FAM149A: variants seen among roughly 807,000 people sequenced by gnomAD.
FAM149A encodes family with sequence similarity 149 member A.
FAM149A carries 71 observed loss-of-function variants against 78.2 expected under a neutral mutation model. That is an observed-to-expected ratio of 0.91 (90% CI 0.75 to 1.11). The LOEUF (loss-of-function observed/expected upper bound fraction) is 1.11. Ranked by LOEUF, FAM149A falls within the 50% of genes least tolerant of loss-of-function variation. FAM149A has a pLI of 0.00. For synonymous variants in FAM149A, 446 were observed against 410.5 expected (o/e 1.09, Z -1.04); for missense variants, 1,036 against 971.0 (o/e 1.07, Z -0.89).
rs1226753024 is a variant in FAM149A at position 186,122,800 on chromosome 4, T to TC, written c.566+17158_566+17159insC. ...TGTAAATATTTAGAGGATGAATATCTAAATGATGAAACAAAAGATCGTAAG... is the reference window on the plus strand; with the variant it reads ...TGTAAATATTTAGAGGATGAATATCTCAAATGATGAAACAAAAGATCGTAAG... On this transcript the variant is annotated intron_variant, in intron 1 of 13. Coordinates refer to ENST00000389354, the MANE Select transcript of FAM149A (RefSeq NM_001367768.3). 2.4e-5 allele frequency: 16 copies of TC among 662,240 alleles called. No homozygotes were observed. The African/African-American group carries it at 3.1e-4, about 13-fold the overall frequency. The allele number at this position is 662,240 out of a possible 1,614,324, so 41.0% of individuals were successfully genotyped here.
intron 1 of FAM149A, among the ~76,000 whole-genome samples, chr4:186,121,186 G>T (rs973591839): frequency 5.3e-5 from 8 of 152,066 alleles, no homozygotes; most frequent in African/African-American, 1.9e-4. Flanking sequence ...CGGCAGTAAT[G>T]AGCAAGCATT....
chr4:186,155,891 A>T (rs1294783335), intron 6 of FAM149A, 109 bp from the exon 7 acceptor site: 18 of 755,062 alleles, frequency 2.4e-5, no homozygotes. Context: ...TTTAACAAAG[A>T]ATGTTTATTA....
At chr4:186,117,495 C>G (rs1315287363) in intron 1 of FAM149A, 4 of 985,266 alleles carry the variant, frequency 4.1e-6, no homozygotes, top group Non-Finnish European at 3.6e-6. Flanking sequence ...GGGGCGATGT[C>G]AGGGGTCTGA....
chr4:186,157,545 T>C lies in FAM149A; in HGVS notation c.1421-20T>C. The C allele has an allele frequency of 1.2e-6, 2 of 1,609,874 alleles. No individual in the cohort carries two copies. The highest frequency in any genetic ancestry group is 8.5e-7 in the Non-Finnish European group (1 of 1,176,416). ...GATAATCTGATGTTTCTTGTAATATTGATTCTTCTGTTGACACAGAAGGGA... is the reference window on the plus strand; with the variant it reads ...GATAATCTGATGTTTCTTGTAATATCGATTCTTCTGTTGACACAGAAGGGA... On this transcript the variant is annotated intron_variant, in intron 7 of 13. Transcript: ENST00000389354.
rs771798679 is a variant in FAM149A, at chr4:186,157,612, C to T, written c.1468C>T (p.Pro490Ser). 1 of 1,614,182 alleles carries T rather than the reference C, an allele frequency of 6.2e-7. No individual in the cohort carries two copies. Among genetic ancestry groups the T allele is most frequent in the Admixed American group, 1.7e-5 (1 of 60,032 alleles). ...ATTGAAAGTGGCTGGAAACAGATTT[C>T]CGCACGTCCTCGTTCCACACGCTCA... is the stretch of plus-strand genomic sequence containing the variant. Residue 490 changes from proline to serine, a missense_variant, in exon 8 of 14, where the codon CCG (proline) becomes TCG (serine). Transcript: ENST00000389354.
At chr4:186,141,707 CAAAGATCAAATCCTAGGCAGGGGT>C (rs2099325859) in intron 1 of FAM149A, among the ~76,000 whole-genome samples, 1 of 152,122 alleles carries the variant, frequency 6.6e-6, no homozygotes, top group Non-Finnish European at 1.5e-5. Context: ...GGCCTCTGTG[CAAAGATCAAATCCTAGGCAGGGGT>C]AAAGGTGAAA....
rs9991339 is a variant in FAM149A at position 186,167,094 on chromosome 4, C to T, written c.2137C>T (p.Arg713Trp). The change falls in exon 12 of 14, where the codon CGG (arginine) becomes TGG (tryptophan). Residue 713 changes from arginine to tryptophan, a missense_variant and splice_region_variant. Arg to Trp is a moderately radical substitution (Grantham distance 101). Around this residue, in one of 3 missense-constraint regions of FAM149A, gnomAD observed 716 missense variants for 711.8 expected, o/e 1.01. Coordinates refer to ENST00000389354, the MANE Select transcript of FAM149A (RefSeq NM_001367768.3). Reference sequence around the variant, plus strand: ...AAGGCCCAGCACAACCCACACGTTCCGGGTGGGTTCTCTGTTTCCTGTAAC... The same window carrying T: ...AAGGCCCAGCACAACCCACACGTTCTGGGTGGGTTCTCTGTTTCCTGTAAC... The T allele has an allele frequency of 0.031, 50,159 of 1,611,804 alleles. 1,835 individuals are homozygous for T. The highest frequency in any genetic ancestry group is 0.17 in the African/African-American group (12,797 of 74,952).
chr4:186,171,471 A>T (rs1205277536), intron 13 of FAM149A, among the ~76,000 whole-genome samples: 2 of 152,194 alleles, frequency 1.3e-5, no homozygotes, highest in Non-Finnish European at 2.9e-5. Flanking sequence ...GTCAAAAAGC[A>T]CTGGGAACTA....
At chr4:186,127,686 G>C in intron 1 of FAM149A, 2 of 961,946 alleles carry the variant, frequency 2.1e-6, no homozygotes, top group Non-Finnish European at 2.4e-6. Context: ...TATTCTGGTG[G>C]TTTTTGTTTT....
At position 186,105,029 on chromosome 4, in the gene FAM149A, G is replaced by A; in HGVS notation, c.-48G>A. 2 of 1,260,892 alleles carry A rather than the reference G, an allele frequency of 1.6e-6. No homozygotes were observed. Among genetic ancestry groups the A allele is most frequent in the Admixed American group, 4.8e-5 (2 of 41,278 alleles). The allele number at this position is 1,260,892 out of a possible 1,614,324, so 78.1% of individuals were successfully genotyped here. A position where few individuals can be genotyped will look rare whatever the true frequency, so the allele number is the denominator to read the frequency against. ...GGGCCGCCTCGGCCGGATCTCCGCG[G>A]TCTGAACTCTCGGGCGGCGGCGAGG... On this transcript the variant is annotated 5_prime_UTR_variant, in exon 1 of 14. Coordinates refer to ENST00000389354, the MANE Select transcript of FAM149A (RefSeq NM_001367768.3).
At chr4:186,118,767 G>A (rs2099314762) in intron 1 of FAM149A, among the ~76,000 whole-genome samples, 1 of 152,226 alleles carries the variant, frequency 6.6e-6, no homozygotes, top group South Asian at 2.1e-4. Context: ...AGTTGAGGGT[G>A]TGCCCGGTTC....
Position 186,144,695 on chromosome 4 carries a change from G to A in FAM149A, c.567-4478G>A. 1 of 573,422 alleles carries A rather than the reference G, an allele frequency of 1.7e-6. No individual in the cohort carries two copies. The highest frequency in any genetic ancestry group is 2.2e-6 in the Non-Finnish European group (1 of 453,078). 35.5% of individuals were successfully genotyped at this position (573,422 alleles called of 1,614,324 possible). A position where few individuals can be genotyped will look rare whatever the true frequency, so the allele number is the denominator to read the frequency against. On this transcript the variant is annotated intron_variant, in intron 1 of 13. Transcript: ENST00000389354. The surrounding 1 kb of genome is among the most constrained non-coding windows in gnomAD (Gnocchi z 4.2). Reference sequence around the variant, plus strand: ...GGAAACCCGGCCCGGCAGGGAGCGGGGAAGGCGCGCTTTCCCGGAGGTCGG... The same window carrying A: ...GGAAACCCGGCCCGGCAGGGAGCGGAGAAGGCGCGCTTTCCCGGAGGTCGG...
At chr4:186,169,798 T>C (rs1308238539) in intron 13 of FAM149A, 1 of 985,310 alleles carries the variant, frequency 1.0e-6, no homozygotes, top group Non-Finnish European at 1.2e-6. Context: ...ACTTAACTCA[T>C]GTAGGACCCA....
At position 186,157,661 on chromosome 4, in the gene FAM149A, C is replaced by A. The variant is rs138151397; in HGVS notation, c.1517C>A (p.Pro506Gln). ...CACGCCGATGGAGCCAGTGGCCCCC[C>A]GTCCGGACACGCCGAGGCTCACGGC... is the stretch of plus-strand genomic sequence containing the variant. The change falls in exon 8 of 14, where the codon CCG becomes CAG. Residue 506 changes from proline (P) to glutamine (Q), a missense_variant. Physicochemically the swap from Pro to Gln is moderately conservative, Grantham distance 76. This residue lies in a region of FAM149A where 716 missense variants were observed against 711.8 expected (regional missense o/e 1.01). Transcript: ENST00000389354. 9 of 1,613,970 alleles carry A rather than the reference C, an allele frequency of 5.6e-6. No homozygotes were observed. Among genetic ancestry groups the A allele is most frequent in the African/African-American group, 4.0e-5 (3 of 74,942 alleles).
At chr4:186,149,751 T>G in intron 3 of FAM149A, 47 bp downstream of exon 3, 12 of 1,195,132 alleles carry the variant, frequency 1.0e-5, no homozygotes, top group Non-Finnish European at 1.2e-5. Context: ...CAGTTTATAG[T>G]GAAGAGTTGC....
intron 1 of FAM149A, chr4:186,125,911 T>C (rs2099318136): frequency 8.1e-6 from 8 of 985,358 alleles, no homozygotes; most frequent in Non-Finnish European, 9.6e-6. Context: ...CTCTGTGTCC[T>C]GCAGACTCGC....
intron 1 of FAM149A, among the ~76,000 whole-genome samples, chr4:186,147,985 G>C (rs142253651): frequency 6.6e-6 from 1 of 152,254 alleles, no homozygotes; most frequent in East Asian, 1.9e-4. Flanking sequence ...ATCTATGGAA[G>C]GTAGATGTTC....
At chr4:186,149,031 T>TGTGTGCAC (rs776191178) in intron 1 of FAM149A, 142 bp from the exon 2 acceptor site, 1 of 336,606 alleles carries the variant, frequency 3.0e-6, no homozygotes, top group African/African-American at 2.3e-5. Context: ...TGTGTGTGTG[T>TGTGTGCAC]GCGCTCATGC....
At chr4:186,150,219 C>T (rs893936045) in intron 3 of FAM149A, among the ~76,000 whole-genome samples, 14 of 152,040 alleles carry the variant, frequency 9.2e-5, no homozygotes, top group Non-Finnish European at 1.6e-4. Flanking sequence ...CCAGCTTGCT[C>T]AGGAGCTCAC....
Sources: gnomAD v4.1 joint callset for allele counts (sites outside exome capture counted in the v4.1 genomes callset) on GRCh38, gnomAD v4.1.1 for gene constraint, gnomAD v4.1.1 regional missense constraint, Gnocchi (gnomAD v3.1) non-coding constraint, MANE v1.5 for transcripts, NCBI Gene and HGNC (gene_info 2026-07-23, HGNC 2026-07-21) for gene names.